DSCAM: variants seen among roughly 807,000 people sequenced by gnomAD.
DSCAM encodes the protein cell adhesion molecule DSCAM.
A neutral mutation model predicts 217.7 loss-of-function variants in DSCAM; 47 were observed. The observed-to-expected ratio is 0.22, with a 90% CI of 0.17 to 0.28. The LOEUF is 0.28. DSCAM is among the 10% of genes least tolerant of loss of function. The pLI, the probability that DSCAM is intolerant of heterozygous loss-of-function variation, is 1.00. For synonymous variants in DSCAM, 1,056 were observed against 1,015.3 expected, an observed-to-expected ratio of 1.04 and a Z score of -0.76; for missense variants, 2,080 against 2,618.3, an observed-to-expected ratio of 0.79 and a Z score of 4.49.
chr21:40,528,262 T>C (rs2076415541), intron 3 of DSCAM, among the ~76,000 whole-genome samples: 1 of 152,134 alleles, frequency 6.6e-6, no homozygotes, highest in Admixed American at 6.5e-5. Flanking sequence ...GTGGCTCAAA[T>C]AAGGCATAAG....
At chr21:40,039,782 C>CAA (rs559430664) in intron 32 of DSCAM, among the ~76,000 whole-genome samples, 50 of 152,060 alleles carry the variant, frequency 3.3e-4, no homozygotes, top group Admixed American at 3.2e-3. Context: ...CAGAGAATTT[C>CAA]AAAGTCTGGG....
At chr21:40,460,044 G>A (rs967500323) in intron 3 of DSCAM, among the ~76,000 whole-genome samples, 2 of 152,078 alleles carry the variant, frequency 1.3e-5, no homozygotes, top group South Asian at 2.1e-4. Context: ...ACCAAACACC[G>A]CATTTTCTCA....
intron 10 of DSCAM, among the ~76,000 whole-genome samples, chr21:40,294,359 A>C (rs1452821436): frequency 6.6e-6 from 1 of 152,240 alleles, no homozygotes; most frequent in Non-Finnish European, 1.5e-5. Context: ...TAACAATCTA[A>C]GTATGCAAAT....
intron 8 of DSCAM, among the ~76,000 whole-genome samples, chr21:40,329,612 CTAAATAAA>C (rs141438568): frequency 0.021 from 2,824 of 135,142 alleles, 34 homozygotes; most frequent in Middle Eastern, 0.033. Flanking sequence ...GACTCCGTCT[CTAAATAAA>C]TAAATAAATA....
chr21:40,786,107 G>A (rs141086383), intron 1 of DSCAM, among the ~76,000 whole-genome samples: 174 of 152,178 alleles, frequency 1.1e-3, no homozygotes, highest in Non-Finnish European at 2.1e-3. Flanking sequence ...ATGGTGGTGG[G>A]CACCTGTAAT....
chr21:40,193,337 T>A (rs967031747), intron 11 of DSCAM, among the ~76,000 whole-genome samples: 6 of 140,898 alleles, frequency 4.3e-5, no homozygotes, highest in African/African-American at 1.3e-4. Flanking sequence ...AATCCACTAA[T>A]CAAGATTTTT....
intron 32 of DSCAM, among the ~76,000 whole-genome samples, chr21:40,024,873 G>A (rs2088344031): frequency 1.2e-5 from 1 of 81,838 alleles, no homozygotes; most frequent in African/African-American, 4.3e-5. Flanking sequence ...TCCTTCTCCT[G>A]CCTAATTGCC....
intron 11 of DSCAM, among the ~76,000 whole-genome samples, chr21:40,210,171 G>A (rs369300346): frequency 2.7e-3 from 417 of 152,182 alleles, no homozygotes; most frequent in African/African-American, 9.2e-3. Flanking sequence ...TTGCCATTCT[G>A]AAAATTACCT....
At chr21:40,075,334 T>C in intron 26 of DSCAM, 121 bp from the exon 27 acceptor site, 1 of 1,062,748 alleles carries the variant, frequency 9.4e-7, no homozygotes, top group South Asian at 1.7e-5. Context: ...TGATGAGAAA[T>C]GAAAAGAACT....
Position 40,130,617 on chromosome 21 carries a change from C to T in DSCAM, c.3562+3237G>A, listed in dbSNP as rs934157353. 5.3e-5 allele frequency among the ~76,000 whole-genome samples: 8 copies of T among 152,154 alleles called. No homozygotes were observed. The South Asian group carries it at 1.7e-3, about 32-fold the overall frequency. On this transcript the variant is annotated intron_variant, in intron 19 of 32. Transcript: ENST00000400454. Reference sequence around the variant, plus strand: ...CAGACATGAGAATATGTCCATGCACCGGAGACTATAGTTATGGATAAGAGA... The same window carrying T: ...CAGACATGAGAATATGTCCATGCACTGGAGACTATAGTTATGGATAAGAGA...
At chr21:40,035,815 C>G (rs2088610166) in intron 32 of DSCAM, among the ~76,000 whole-genome samples, 1 of 144,994 alleles carries the variant, frequency 6.9e-6, no homozygotes, top group Non-Finnish European at 1.5e-5. Flanking sequence ...AACAAACTAT[C>G]TCTCAGACCA....
intron 3 of DSCAM, among the ~76,000 whole-genome samples, chr21:40,554,573 A>G (rs1315791937): frequency 6.6e-6 from 1 of 152,178 alleles, no homozygotes; most frequent in African/African-American, 2.4e-5. Flanking sequence ...AGTAAAGAAT[A>G]TGAGTAACAA....
chr21:40,302,787 T>C (rs2074030866), intron 9 of DSCAM, among the ~76,000 whole-genome samples: 1 of 152,214 alleles, frequency 6.6e-6, no homozygotes, highest in African/African-American at 2.4e-5. Context: ...AGTTTACTCC[T>C]GGTGTTGCCT....
chr21:40,785,309 G>A (rs188661570), intron 1 of DSCAM, among the ~76,000 whole-genome samples: 153 of 152,316 alleles, frequency 1.0e-3, no homozygotes, highest in Non-Finnish European at 1.9e-4. Context: ...CTTGTAGAGA[G>A]CTTCAGGAGC....
chr21:40,535,773 G>A (rs920685562), intron 3 of DSCAM, among the ~76,000 whole-genome samples: 5 of 152,070 alleles, frequency 3.3e-5, no homozygotes, highest in African/African-American at 7.2e-5. Flanking sequence ...AGAGAGACGC[G>A]GCACCTCAGA....
chr21:40,261,901 T>C (rs527533312), intron 11 of DSCAM, among the ~76,000 whole-genome samples: 182 of 152,130 alleles, frequency 1.2e-3, no homozygotes, highest in African/African-American at 4.3e-3. Flanking sequence ...GACAGGGAGG[T>C]AATTACTTTT....
chr21:40,819,063 A>G (rs1023415055), intron 1 of DSCAM, among the ~76,000 whole-genome samples: 1 of 152,242 alleles, frequency 6.6e-6, no homozygotes, highest in East Asian at 1.9e-4. Flanking sequence ...ACACTGACTG[A>G]GCACCTAAGG....
intron 3 of DSCAM, among the ~76,000 whole-genome samples, chr21:40,505,933 T>G (rs1259121395): frequency 6.6e-6 from 1 of 152,170 alleles, no homozygotes; most frequent in Non-Finnish European, 1.5e-5. Context: ...GCAAAGTAGC[T>G]GTATCTGACT....
At chr21:40,740,268 G>A (rs2146541411) in intron 1 of DSCAM, among the ~76,000 whole-genome samples, 1 of 152,266 alleles carries the variant, frequency 6.6e-6, no homozygotes, top group East Asian at 1.9e-4. Context: ...ATCCAAGCAT[G>A]GCAGGTTTTA....
Sources: gnomAD v4.1 joint callset for allele counts (sites outside exome capture counted in the v4.1 genomes callset) on GRCh38, gnomAD v4.1.1 for gene constraint, MANE v1.5 for transcripts, NCBI Gene and HGNC (gene_info 2026-07-23, HGNC 2026-07-21) for gene names.